Variants in CRY2 observed in about 807,000 individuals in gnomAD.
CRY2 encodes the protein cryptochrome-2.
A neutral mutation model predicts 69.5 loss-of-function variants in CRY2; 31 were observed. The observed-to-expected ratio is 0.45, with a 90% CI of 0.34 to 0.60. The LOEUF is 0.60. Among genes scored for constraint, CRY2 ranks in the 20% least tolerant of loss-of-function variants. The probability of loss-of-function intolerance (pLI) is 0.02; values close to 1 mark genes in which losing one functional copy is unlikely to be tolerated. For synonymous variants in CRY2, 303 were observed against 312.2 expected, an observed-to-expected ratio of 0.97 and a Z score of 0.31; for missense variants, 606 against 797.8, an observed-to-expected ratio of 0.76 and a Z score of 2.90.
At chr11:45,848,107 G>A (rs11607858) in intron 1 of CRY2, among the ~76,000 whole-genome samples, 4,494 of 152,202 alleles carry the variant, frequency 0.03, 84 homozygotes, top group Non-Finnish European at 0.045. Context: ...GTGAGGGCGG[G>A]ACGGGTTTTT....
rs1489920460 is a variant in CRY2 at position 45,858,713 on chromosome 11, C to G, written c.325-18C>G. The G allele has an allele frequency of 1.2e-6, 2 of 1,609,726 alleles. No individual in the cohort carries two copies. The highest frequency in any genetic ancestry group is 1.7e-6 in the Non-Finnish European group (2 of 1,177,762). ...TCCCCAAACACAGTGTTGAGCATAA[C>G]AGATCCTCTCCCCACAGGAATGGGG... On this transcript the variant is annotated intron_variant, in intron 2 of 11. Transcript: ENST00000616080.
Position 45,881,908 on chromosome 11 carries a change from C to G in CRY2, c.*997C>G, listed in dbSNP as rs1305089164. 6.6e-6 allele frequency: 1 copy of G among 152,264 alleles called. No individual in the cohort carries two copies. Among genetic ancestry groups the G allele is most frequent in the Admixed American group, 6.5e-5 (1 of 15,288 alleles). The allele number at this position is 152,264 out of a possible 1,614,324, so 9.4% of individuals were successfully genotyped here. Reference sequence around the variant, plus strand: ...CAGGGAAACCATTCTAGTCTTTATTCTGTTGGCTTCCAGGGCCTGTCCTGG... The same window carrying G: ...CAGGGAAACCATTCTAGTCTTTATTGTGTTGGCTTCCAGGGCCTGTCCTGG... On this transcript the variant is annotated 3_prime_UTR_variant, in exon 12 of 12. Transcript: ENST00000616080.
intron 5 of CRY2, among the ~76,000 whole-genome samples, chr11:45,863,014 C>T (rs888364293): frequency 3.3e-5 from 5 of 152,262 alleles, no homozygotes; most frequent in Middle Eastern, 3.4e-3. Flanking sequence ...CAGATGATGA[C>T]GATAATAGAA....
intron 11 of CRY2, among the ~76,000 whole-genome samples, chr11:45,874,678 C>T (rs1431789156): frequency 6.6e-6 from 1 of 152,216 alleles, no homozygotes; most frequent in Non-Finnish European, 1.5e-5. Flanking sequence ...GGCGTGGTGG[C>T]TCACACTTGT....
chr11:45,870,408 G>A lies in CRY2; in HGVS notation c.1425G>A (p.Lys475=). 6.2e-7 allele frequency: 1 copy of A among 1,614,244 alleles called. No homozygotes were observed. The highest frequency in any genetic ancestry group is 1.3e-5 in the African/African-American group (1 of 75,046). Residue 475 remains lysine, a synonymous_variant, in exon 9 of 12, where the codon AAG becomes AAA. Transcript: ENST00000616080. ...EPWNAPESIQ[K]AAKCIIGVDY... ...GGAATGCCCCAGAGTCAATTCAGAA[G>A]GCAGCCAAGTGCATCATTGGTGTGG...
intron 11 of CRY2, among the ~76,000 whole-genome samples, chr11:45,873,495 C>T (rs992502269): frequency 6.6e-6 from 1 of 152,318 alleles, no homozygotes; most frequent in Admixed American, 6.5e-5. Flanking sequence ...CAAAGTTCAT[C>T]CTGTATTACA....
chr11:45,851,544 A>G (rs1030681282), intron 1 of CRY2, among the ~76,000 whole-genome samples: 1 of 152,204 alleles, frequency 6.6e-6, no homozygotes, highest in African/African-American at 2.4e-5. Context: ...TACCTGAGAG[A>G]GGCACTTTAC....
chr11:45,869,449 G>C, intron 6 of CRY2, 57 bp from the exon 7 acceptor site: 1 of 1,530,350 alleles, frequency 6.5e-7, no homozygotes, highest in Non-Finnish European at 8.8e-7. Context: ...GACCTGAGAG[G>C]CACCATGCTA....
intron 11 of CRY2, among the ~76,000 whole-genome samples, chr11:45,874,943 A>G (rs919324645): frequency 1.3e-5 from 2 of 152,214 alleles, no homozygotes; most frequent in African/African-American, 4.8e-5. Context: ...ACTCAGTCTC[A>G]CAAAAAAAAA....
At chr11:45,872,012 A>C (rs2086387229) in intron 10 of CRY2, 80 bp from the exon 11 acceptor site, 2 of 1,561,628 alleles carry the variant, frequency 1.3e-6, no homozygotes, top group Non-Finnish European at 8.7e-7. Flanking sequence ...CCTGTCCCCT[A>C]AAGAGCTGCT....
At chr11:45,861,057 CT>C in intron 4 of CRY2, 25 bp downstream of exon 4, 1 of 1,594,488 alleles carries the variant, frequency 6.3e-7, no homozygotes, top group Non-Finnish European at 8.6e-7. Flanking sequence ...CCCAGAGCCA[CT>C]TGTGCTGGTG....
chr11:45,882,986 G>A lies in CRY2; in HGVS notation c.*2075G>A. On this transcript the variant is annotated 3_prime_UTR_variant, in exon 12 of 12. Coordinates refer to ENST00000616080, the MANE Select transcript of CRY2 (RefSeq NM_021117.5). ...AGGCAGTGCACTCCTGGAGCCAAGAGGGAAGGGCAGGGTAGAGAGGGTATG... is the reference window on the plus strand; with the variant it reads ...AGGCAGTGCACTCCTGGAGCCAAGAAGGAAGGGCAGGGTAGAGAGGGTATG... 1 of 345,618 alleles carries A rather than the reference G, an allele frequency of 2.9e-6. No individual in the cohort carries two copies. The highest frequency in any genetic ancestry group is 4.3e-5 in the East Asian group (1 of 23,342). 21.4% of individuals were successfully genotyped at this position (345,618 alleles called of 1,614,324 possible).
chr11:45,863,851 C>G lies in CRY2; in HGVS notation c.741+1703C>G, dbSNP rs551607510. Among the ~76,000 whole-genome samples the G allele has an allele frequency of 5.9e-5, 9 of 152,178 alleles. No homozygotes were observed. The East Asian group carries it at 1.7e-3, about 29-fold the overall frequency. ...GGACTAGGATCAGGGAAGGCTGATT[C>G]TCCACAGGAATATGAGATGCTGTTA... is the stretch of plus-strand genomic sequence containing the variant. On this transcript the variant is annotated intron_variant, in intron 5 of 11. Transcript: ENST00000616080.
intron 10 of CRY2, among the ~76,000 whole-genome samples, chr11:45,871,684 G>A (rs551040326): frequency 6.6e-6 from 1 of 152,342 alleles, no homozygotes; most frequent in Admixed American, 6.5e-5. Flanking sequence ...GAAGAACACG[G>A]GTTTTTCTAG....
In CRY2 at chr11:45,882,453, C is replaced by G; in HGVS notation, c.*1542C>G. On this transcript the variant is annotated 3_prime_UTR_variant, in exon 12 of 12. Transcript: ENST00000616080. ...TGGCCCCAGCCCTGTCCCTCACTGT[C>G]CTCTGTCCTTGGACCAGAACCCTGG... 1 of 397,426 alleles carries G rather than the reference C, an allele frequency of 2.5e-6. No homozygotes were observed. Among genetic ancestry groups the G allele is most frequent in the Non-Finnish European group, 4.4e-6 (1 of 225,516 alleles). 24.6% of individuals were successfully genotyped at this position (397,426 alleles called of 1,614,324 possible). A position where few individuals can be genotyped will look rare whatever the true frequency, so the allele number is the denominator to read the frequency against.
chr11:45,870,410 C>T lies in CRY2; in HGVS notation c.1427C>T (p.Ala476Val), dbSNP rs368301729. 2.7e-5 allele frequency: 43 copies of T among 1,614,196 alleles called. No homozygotes were observed. The Admixed American group carries it at 3.2e-4, about 12-fold the overall frequency. Reference protein sequence around the residue: ...PWNAPESIQKAAKCIIGVDYP... With the variant: ...PWNAPESIQKVAKCIIGVDYP... The stretch of plus-strand genomic sequence containing the variant: ...AATGCCCCAGAGTCAATTCAGAAGG[C>T]AGCCAAGTGCATCATTGGTGTGGAC... The change falls in exon 9 of 12, where the codon GCA (alanine) becomes GTA (valine). Residue 476 changes from alanine to valine, a missense_variant. By Grantham distance (64) the Ala-to-Val change is moderately conservative. This residue lies in a region of CRY2 where 173 missense variants were observed against 213.7 expected (regional missense o/e 0.81). Transcript: ENST00000616080.
intron 1 of CRY2, among the ~76,000 whole-genome samples, chr11:45,855,685 A>C (rs1159298695): frequency 6.6e-6 from 1 of 152,222 alleles, no homozygotes; most frequent in Admixed American, 6.5e-5. Flanking sequence ...TTTTCTTAGC[A>C]ATTTTATGAG....
Position 45,869,994 on chromosome 11 carries a change from T to C in CRY2, c.1195-59T>C, listed in dbSNP as rs1439309149. ...TGGCTCCTGGGGGCACTGTGGTGAC[T>C]TGGGAAAAAACATGGCTGCATGTCC... On this transcript the variant is annotated intron_variant, in intron 7 of 11. Coordinates refer to ENST00000616080, the MANE Select transcript of CRY2 (RefSeq NM_021117.5). 1.0e-5 allele frequency: 16 copies of C among 1,541,820 alleles called. No homozygotes were observed. In the Admixed American group the frequency reaches 2.8e-4, roughly 27 times the overall value.
chr11:45,849,489 T>C (rs2086177636), intron 1 of CRY2, among the ~76,000 whole-genome samples: 1 of 152,156 alleles, frequency 6.6e-6, no homozygotes, highest in Non-Finnish European at 1.5e-5. Context: ...AACCATAATT[T>C]AGTGAAACGA....
Sources: gnomAD v4.1 joint callset for allele counts (sites outside exome capture counted in the v4.1 genomes callset) on GRCh38, gnomAD v4.1.1 for gene constraint, gnomAD v4.1.1 regional missense constraint, MANE v1.5 for transcripts, NCBI Gene and HGNC (gene_info 2026-07-23, HGNC 2026-07-21) for gene names.